Variants in STK32B observed in about 807,000 individuals in gnomAD.
STK32B encodes serine/threonine kinase 32B.
STK32B carries 43 observed loss-of-function variants against 52.6 expected under a neutral mutation model. The observed-to-expected ratio is 0.82, with a 90% confidence interval of 0.64 to 1.05. The LOEUF is 1.05. Among genes scored for constraint, STK32B ranks in the 50% least tolerant of loss-of-function variants. STK32B has a pLI of 0.00. For missense variants in STK32B, 621 were observed against 534.6 expected (o/e 1.16, Z -1.59); for synonymous variants, 238 against 204.3 (o/e 1.17, Z -1.41).
chr4:5,451,228 G>C (rs984803746), intron 7 of STK32B, among the ~76,000 whole-genome samples: 1 of 152,202 alleles, frequency 6.6e-6, no homozygotes, highest in Non-Finnish European at 1.5e-5. Context: ...GTTTAGAGGA[G>C]CAGGGGAGAA....
chr4:5,117,622 C>T (rs1284212517), intron 1 of STK32B, among the ~76,000 whole-genome samples: 2 of 151,994 alleles, frequency 1.3e-5, no homozygotes, highest in Non-Finnish European at 2.9e-5. Flanking sequence ...TAATTGGTTT[C>T]TAAGACTGCT....
rs1303347976 is a variant in STK32B, at chr4:5,159,659, ATATGAATG to A, written c.109-8636_109-8629del. 2.2e-3 allele frequency among the ~76,000 whole-genome samples: 174 copies of A among 78,354 alleles called. 32 individuals are homozygous for A. Among genetic ancestry groups the A allele is most frequent in the African/African-American group, 9.6e-3 (167 of 17,412 alleles). The allele number at this position is 78,354 out of a possible 152,430, so 51.4% of individuals were successfully genotyped here. ...TATATATGAATGTATATGAATATAT[ATATGAATG>A]TATATGAATATATATATGAATATAT... On this transcript the variant is annotated intron_variant, in intron 2 of 11. Coordinates refer to ENST00000282908, the MANE Select transcript of STK32B (RefSeq NM_018401.3).
intron 3 of STK32B, among the ~76,000 whole-genome samples, chr4:5,183,825 C>G (rs775098478): frequency 6.6e-6 from 1 of 152,178 alleles, no homozygotes. Flanking sequence ...TTTAAACCTC[C>G]TGAACCAACC....
intron 3 of STK32B, among the ~76,000 whole-genome samples, chr4:5,217,861 A>T (rs1053064448): frequency 6.6e-6 from 1 of 152,216 alleles, no homozygotes; most frequent in Admixed American, 6.5e-5. Flanking sequence ...GCTCTTGTTT[A>T]TTGAGAAAAT....
chr4:5,116,509 A>G (rs961314055), intron 1 of STK32B, among the ~76,000 whole-genome samples: 2 of 152,174 alleles, frequency 1.3e-5, no homozygotes, highest in Non-Finnish European at 1.5e-5. Flanking sequence ...GAGTTAGAAC[A>G]CTTAATATCT....
chr4:5,202,124 A>G (rs1450893907), intron 3 of STK32B, among the ~76,000 whole-genome samples: 1 of 152,374 alleles, frequency 6.6e-6, no homozygotes, highest in African/African-American at 2.4e-5. Flanking sequence ...CCAAGATACA[A>G]TGAGGGTACA....
At chr4:5,223,005 G>A (rs1260888263) in intron 3 of STK32B, among the ~76,000 whole-genome samples, 5 of 152,144 alleles carry the variant, frequency 3.3e-5, no homozygotes, top group African/African-American at 1.2e-4. Flanking sequence ...GGTTTTGAGG[G>A]AGAGTCCCAA....
intron 3 of STK32B, among the ~76,000 whole-genome samples, chr4:5,168,865 C>A (rs141436303): frequency 1.4e-4 from 21 of 152,280 alleles, no homozygotes; most frequent in Admixed American, 8.5e-4. Context: ...CCATCACGGA[C>A]GTACCAAATT....
chr4:5,473,435 G>A (rs745504695), intron 11 of STK32B, among the ~76,000 whole-genome samples: 2 of 152,164 alleles, frequency 1.3e-5, no homozygotes, highest in Non-Finnish European at 1.5e-5. Context: ...GTGCCATTTA[G>A]TCTGTACATC....
chr4:5,364,184 C>A (rs1237454627), intron 4 of STK32B, among the ~76,000 whole-genome samples: 1 of 152,238 alleles, frequency 6.6e-6, no homozygotes, highest in African/African-American at 2.4e-5. Context: ...ACTTTTCCCA[C>A]TGGTGCTTTA....
At chr4:5,365,696 T>C (rs1300595426) in intron 4 of STK32B, among the ~76,000 whole-genome samples, 2 of 152,160 alleles carry the variant, frequency 1.3e-5, no homozygotes, top group Non-Finnish European at 2.9e-5. Context: ...ATTCTCAACA[T>C]TTTAACACCC....
intron 4 of STK32B, among the ~76,000 whole-genome samples, chr4:5,352,699 C>T (rs568992347): frequency 4.0e-5 from 6 of 150,374 alleles, no homozygotes; most frequent in African/African-American, 9.8e-5. Flanking sequence ...CTAGAAAAAC[C>T]GAAAGACTGC....
intron 5 of STK32B, among the ~76,000 whole-genome samples, chr4:5,408,789 T>C (rs1426635508): frequency 1.3e-5 from 2 of 152,124 alleles, no homozygotes; most frequent in African/African-American, 2.4e-5. Flanking sequence ...GAGCCCCATA[T>C]GATGGAATGA....
At chr4:5,065,803 A>C (rs974817982) in intron 1 of STK32B, among the ~76,000 whole-genome samples, 2 of 152,144 alleles carry the variant, frequency 1.3e-5, no homozygotes, top group African/African-American at 2.4e-5. Context: ...GGCTCACTGC[A>C]ACCTCTGCCT....
At chr4:5,199,493 T>G (rs899415998) in intron 3 of STK32B, among the ~76,000 whole-genome samples, 2 of 129,972 alleles carry the variant, frequency 1.5e-5, no homozygotes, top group Admixed American at 7.4e-5. Context: ...GTGAATGCTG[T>G]TTTTTTTTTT....
chr4:5,483,457 A>G (rs1334262220), intron 11 of STK32B, among the ~76,000 whole-genome samples: 120 of 151,514 alleles, frequency 7.9e-4, no homozygotes, highest in African/African-American at 2.8e-3. Flanking sequence ...TTTTTATTGC[A>G]TCTATTTGAT....
chr4:5,167,432 A>G (rs1390943324), intron 2 of STK32B, among the ~76,000 whole-genome samples: 3 of 152,100 alleles, frequency 2.0e-5, no homozygotes, highest in Non-Finnish European at 2.9e-5. Flanking sequence ...GACCACTGTC[A>G]TCATAGCTGT....
chr4:5,393,301 G>T (rs1363704467), intron 4 of STK32B, among the ~76,000 whole-genome samples: 1 of 152,174 alleles, frequency 6.6e-6, no homozygotes, highest in Non-Finnish European at 1.5e-5. Context: ...CCCTGTGCTG[G>T]TTGCTGTCAT....
chr4:5,068,061 A>G (rs1296070111), intron 1 of STK32B, among the ~76,000 whole-genome samples: 2 of 152,170 alleles, frequency 1.3e-5, no homozygotes, highest in Non-Finnish European at 2.9e-5. Context: ...ACCATATCAA[A>G]GTGGATGAAT....
Sources: allele counts gnomAD v4.1 joint callset (sites outside exome capture counted in the v4.1 genomes callset), GRCh38; gene constraint gnomAD v4.1.1; transcripts MANE v1.5; gene names NCBI Gene and HGNC (gene_info 2026-07-23, HGNC 2026-07-21).